Variants in GALNT13 observed in about 807,000 individuals in gnomAD.
The protein encoded by GALNT13 is UDP-GalNAc:polypeptide N-acetylgalactosaminyltransferase 13.
In GALNT13, 28 loss-of-function variants were observed where a neutral mutation model predicts 64.2. That is an observed-to-expected ratio of 0.44 (90% CI 0.32 to 0.60). The LOEUF (loss-of-function observed/expected upper bound fraction) is 0.60. Ranked by LOEUF, GALNT13 falls within the 20% of genes least tolerant of loss-of-function variation. GALNT13 has a pLI of 0.05. For missense variants in GALNT13, 577 were observed against 669.8 expected (o/e 0.86, Z 1.53); for synonymous variants, 214 against 224.6 (o/e 0.95, Z 0.42).
the GALNT13 span, among the ~76,000 whole-genome samples, chr2:153,491,643 C>T: frequency 4.1e-5 from 6 of 146,032 alleles, no homozygotes; most frequent in African/African-American, 1.3e-4. Context: ...TTTCTTCAGA[C>T]GGAGTCTCGC....
rs1699515510 is a variant in GALNT13 at position 154,405,913 on chromosome 2, GA to G, written c.1297-3070del. ...GGAAATAGATACTTGTAAGAATTAA[GA>G]GGGGGAAAATCCCAGATTGTCATCA... On this transcript the variant is annotated intron_variant, in intron 10 of 12. Transcript: ENST00000392825. 2.6e-5 allele frequency among the ~76,000 whole-genome samples: 4 copies of G among 152,102 alleles called. No homozygotes were observed. In the Middle Eastern group the frequency reaches 0.01, roughly 388 times the overall value.
chr2:153,527,314 A>T, the GALNT13 span, among the ~76,000 whole-genome samples: 5 of 152,222 alleles, frequency 3.3e-5, no homozygotes, highest in Non-Finnish European at 7.4e-5. Flanking sequence ...CGAATAACAC[A>T]CAATAAAGCT....
the GALNT13 span, among the ~76,000 whole-genome samples, chr2:153,539,096 A>T: frequency 1.5e-5 from 2 of 133,592 alleles, no homozygotes; most frequent in Non-Finnish European, 3.1e-5. Context: ...AACTGGTGTG[A>T]GATGGTATCT....
chr2:153,135,630 G>A, the GALNT13 span, among the ~76,000 whole-genome samples: 1 of 151,984 alleles, frequency 6.6e-6, no homozygotes, highest in African/African-American at 2.4e-5. Flanking sequence ...GTAATTTAAG[G>A]AACTTTCAAA....
the GALNT13 span, among the ~76,000 whole-genome samples, chr2:153,335,155 A>G: frequency 6.6e-6 from 1 of 152,180 alleles, no homozygotes; most frequent in Admixed American, 6.5e-5. Flanking sequence ...CTGTAAGTCC[A>G]ATTAAACCTC....
At chr2:153,858,887 C>A in the GALNT13 span, among the ~76,000 whole-genome samples, 1 of 152,064 alleles carries the variant, frequency 6.6e-6, no homozygotes, top group Non-Finnish European at 1.5e-5. Context: ...TGCCTGCCAC[C>A]ATGCCCAACT....
chr2:153,548,830 T>C, the GALNT13 span, among the ~76,000 whole-genome samples: 1 of 152,206 alleles, frequency 6.6e-6, no homozygotes, highest in Non-Finnish European at 1.5e-5. Flanking sequence ...TACACAAATG[T>C]TCATAACAGC....
chr2:154,262,556 A>G (rs1009194246), intron 8 of GALNT13, among the ~76,000 whole-genome samples: 1 of 152,188 alleles, frequency 6.6e-6, no homozygotes, highest in Non-Finnish European at 1.5e-5. Flanking sequence ...GCATTACACA[A>G]CAATCACTGC....
At chr2:153,920,129 T>C (rs2105334431) in intron 2 of GALNT13, among the ~76,000 whole-genome samples, 1 of 151,768 alleles carries the variant, frequency 6.6e-6, no homozygotes, top group South Asian at 2.1e-4. Flanking sequence ...CTGATGTTTT[T>C]GCTATTAGTA....
the GALNT13 span, among the ~76,000 whole-genome samples, chr2:153,238,393 A>G: frequency 1.4e-4 from 22 of 152,132 alleles, no homozygotes; most frequent in Admixed American, 8.5e-4. Context: ...GTATTACTGA[A>G]GGAATCTTCA....
chr2:153,887,376 A>C (rs1687252725), intron 1 of GALNT13, among the ~76,000 whole-genome samples: 1 of 150,628 alleles, frequency 6.6e-6, no homozygotes, highest in Non-Finnish European at 1.5e-5. Flanking sequence ...TTTTCGAAAT[A>C]AAATCTAAGA....
At chr2:153,705,450 C>A in the GALNT13 span, among the ~76,000 whole-genome samples, 1 of 150,960 alleles carries the variant, frequency 6.6e-6, no homozygotes, top group Non-Finnish European at 1.5e-5. Context: ...TACCAGAAAA[C>A]TCAGTGAGTC....
chr2:154,078,223 A>T (rs937035520), intron 3 of GALNT13, among the ~76,000 whole-genome samples: 1 of 151,608 alleles, frequency 6.6e-6, no homozygotes, highest in Non-Finnish European at 1.5e-5. Flanking sequence ...ACGTAATTTC[A>T]TTTAAATTCA....
chr2:154,313,786 C>T (rs76450852), intron 9 of GALNT13, among the ~76,000 whole-genome samples: 364 of 152,140 alleles, frequency 2.4e-3, no homozygotes, highest in African/African-American at 8.2e-3. Context: ...TAAGTACTAC[C>T]TTCTAGGGTT....
chr2:154,085,842 T>C (rs934290053), intron 3 of GALNT13, among the ~76,000 whole-genome samples: 2 of 152,038 alleles, frequency 1.3e-5, no homozygotes, highest in Non-Finnish European at 2.9e-5. Flanking sequence ...GGTGGGAAGA[T>C]GGCTTAAGGC....
At chr2:153,668,039 A>G in the GALNT13 span, among the ~76,000 whole-genome samples, 2 of 152,204 alleles carry the variant, frequency 1.3e-5, no homozygotes, top group Non-Finnish European at 2.9e-5. Flanking sequence ...CATAATGATA[A>G]AGGTCATTTC....
At chr2:153,338,036 A>G in the GALNT13 span, among the ~76,000 whole-genome samples, 5 of 152,100 alleles carry the variant, frequency 3.3e-5, no homozygotes. Flanking sequence ...CATATTTACT[A>G]TTTCTTCCTA....
the GALNT13 span, among the ~76,000 whole-genome samples, chr2:153,402,346 T>C: frequency 1.2e-4 from 18 of 151,344 alleles, no homozygotes; most frequent in South Asian, 2.7e-3. Context: ...CCTTTCTCTC[T>C]GGCTGCCCTT....
At chr2:153,600,709 T>C in the GALNT13 span, among the ~76,000 whole-genome samples, 1 of 152,054 alleles carries the variant, frequency 6.6e-6, no homozygotes, top group African/African-American at 2.4e-5. Flanking sequence ...CCTTAAGACA[T>C]TAATAGATGC....
Sources: allele counts gnomAD v4.1 joint callset (sites outside exome capture counted in the v4.1 genomes callset), GRCh38; gene constraint gnomAD v4.1.1; transcripts MANE v1.5; gene names NCBI Gene and HGNC (gene_info 2026-07-23, HGNC 2026-07-21).